Variants in APC observed in about 807,000 individuals in gnomAD.
APC encodes APC regulator of Wnt signaling pathway.
In APC, 72 loss-of-function variants were observed where a neutral mutation model predicts 247.0. That is an observed-to-expected ratio of 0.29 (90% CI 0.24 to 0.35). The LOEUF (loss-of-function observed/expected upper bound fraction) is 0.35, where lower values mean the gene tolerates loss of function less well. Among genes scored for constraint, APC ranks in the 10% least tolerant of loss-of-function variants. APC has a pLI of 1.00. For synonymous variants in APC, 1,254 were observed against 1,162.5 expected, an observed-to-expected ratio of 1.08 and a Z score of -1.60; for missense variants, 3,400 against 3,360.7, an observed-to-expected ratio of 1.01 and a Z score of -0.29.
At position 112,839,706 on chromosome 5, in the gene APC, G is replaced by A. The variant is rs2149906776; in HGVS notation, c.4112G>A (p.Ser1371Asn). The A allele has an allele frequency of 1.9e-6, 3 of 1,614,098 alleles. No individual in the cohort carries two copies. The highest frequency in any genetic ancestry group is 2.5e-6 in the Non-Finnish European group (3 of 1,180,000). Residue 1371 changes from serine (S) to asparagine (N), a missense_variant, in exon 16 of 16, where the codon AGT (serine) becomes AAT (asparagine). Physicochemically the swap from Ser to Asn is conservative, Grantham distance 46. This residue lies in a region of APC where 715 missense variants were observed against 656.6 expected (regional missense o/e 1.09). Coordinates refer to ENST00000257430, the MANE Select transcript of APC (RefSeq NM_000038.6). This position sits in a 1 kb window ranked among gnomAD's most constrained non-coding sequence, Gnocchi z 5.0. ...AAAAGTGGTGCTCAGACACCCAAAAGTCCACCTGAACACTATGTTCAGGAG... is the reference window on the plus strand; with the variant it reads ...AAAAGTGGTGCTCAGACACCCAAAAATCCACCTGAACACTATGTTCAGGAG... ...PSKSGAQTPK[S>N]PPEHYVQETP...
intron 1 of APC, among the ~76,000 whole-genome samples, chr5:112,728,567 A>G (rs1751927363): frequency 6.6e-6 from 1 of 152,240 alleles, no homozygotes; most frequent in Admixed American, 6.5e-5. Context: ...GAATTTAGAA[A>G]AATAAAGTTC....
upstream of APC, among the ~76,000 whole-genome samples, chr5:112,734,794 T>TTTTTTGTGTGTGTG (rs1554063508): frequency 5.6e-5 from 3 of 53,252 alleles, no homozygotes; most frequent in Admixed American, 3.4e-4. Context: ...TGTGTGTGTG[T>TTTTTTGTGTGTGTG]TTTTTTTTTT....
chr5:112,840,410 G>T lies in APC; in HGVS notation c.4816G>T (p.Ala1606Ser), dbSNP rs1580652981. ...TGCTTCAAAATTACCTCCACCTGTG[G>T]CAAGGAAACCAAGTCAGCTGCCTGT... ...QTASKLPPPV[A>S]RKPSQLPVYK... Residue 1606 changes from alanine (A) to serine (S), a missense_variant, in exon 16 of 16, where the codon GCA becomes TCA. Around this residue, in one of 9 missense-constraint regions of APC, gnomAD observed 1,788 missense variants for 1,649.5 expected, o/e 1.08. Coordinates refer to ENST00000257430, the MANE Select transcript of APC (RefSeq NM_000038.6). The surrounding 1 kb of genome is among the most constrained non-coding windows in gnomAD (Gnocchi z 4.1). 1 of 1,614,178 alleles carries T rather than the reference G, an allele frequency of 6.2e-7. No homozygotes were observed. The highest frequency in any genetic ancestry group is 8.5e-7 in the Non-Finnish European group (1 of 1,180,024).
intron 1 of APC, among the ~76,000 whole-genome samples, chr5:112,715,846 A>G (rs1489987096): frequency 6.6e-6 from 1 of 152,126 alleles, no homozygotes; most frequent in Non-Finnish European, 1.5e-5. Flanking sequence ...CAAGTATTCT[A>G]TCTTGTGATT....
chr5:112,777,716 C>T (rs1561481106), intron 5 of APC: 3 of 231,012 alleles, frequency 1.3e-5, no homozygotes, highest in Non-Finnish European at 2.9e-5. Flanking sequence ...GAGGACCCTT[C>T]ATATTTGCCT....
intron 6 of APC, among the ~76,000 whole-genome samples, chr5:112,787,478 C>T (rs77760414): frequency 2.0e-5 from 3 of 152,234 alleles, no homozygotes; most frequent in African/African-American, 7.2e-5. Flanking sequence ...ACTTGTGAGT[C>T]AGAATTTATC....
At chr5:112,750,190 T>C (rs1754175579) in intron 1 of APC, among the ~76,000 whole-genome samples, 1 of 152,012 alleles carries the variant, frequency 6.6e-6, no homozygotes, top group Admixed American at 6.5e-5. Context: ...CTTGAACTCC[T>C]GACCTCAAGT....
At chr5:112,728,160 C>G (rs199633460) in intron 1 of APC, among the ~76,000 whole-genome samples, 1 of 151,898 alleles carries the variant, frequency 6.6e-6, no homozygotes, top group East Asian at 1.9e-4. Context: ...CAGAGTCTCT[C>G]TCTGTTGCTC....
intron 8 of APC, among the ~76,000 whole-genome samples, chr5:112,805,239 G>A (rs1761253896): frequency 6.6e-6 from 1 of 152,058 alleles, no homozygotes; most frequent in Non-Finnish European, 1.5e-5. Context: ...TTCATTTTGG[G>A]AAAATAGAAG....
intron 8 of APC, among the ~76,000 whole-genome samples, chr5:112,813,204 G>A (rs1034751860): frequency 1.3e-5 from 2 of 152,150 alleles, no homozygotes; most frequent in African/African-American, 2.4e-5. Context: ...GTGATAAAAT[G>A]TACCCATTTT....
chr5:112,804,689 T>C (rs2149723091), intron 8 of APC, among the ~76,000 whole-genome samples: 1 of 152,288 alleles, frequency 6.6e-6, no homozygotes, highest in South Asian at 2.1e-4. Context: ...ATTACAACTT[T>C]TTTAATTTAA....
At chr5:112,823,729 A>G (rs139490889) in intron 11 of APC, among the ~76,000 whole-genome samples, 1 of 152,324 alleles carries the variant, frequency 6.6e-6, no homozygotes, top group African/African-American at 2.4e-5. Flanking sequence ...AAACTGTGCT[A>G]GGCACTAGAT....
In APC at chr5:112,843,997, G is replaced by C. The variant is rs759870702; in HGVS notation, c.8403G>C (p.Arg2801=). 1 of 1,600,588 alleles carries C rather than the reference G, an allele frequency of 6.2e-7. No individual in the cohort carries two copies. The highest frequency in any genetic ancestry group is 1.1e-5 in the South Asian group (1 of 88,496). Reference sequence around the variant, plus strand: ...GCAGCGCAGATAGCACTTCAGCTCGGCCATCTCAGATCCCAACTCCAGTGA... The same window carrying C: ...GCAGCGCAGATAGCACTTCAGCTCGCCCATCTCAGATCCCAACTCCAGTGA... ...RKSSADSTSA[R]PSQIPTPVNN... The change falls in exon 16 of 16, where the codon CGG becomes CGC. Residue 2801 remains arginine, a synonymous_variant. Coordinates refer to ENST00000257430, the MANE Select transcript of APC (RefSeq NM_000038.6). This position sits in a 1 kb window ranked among gnomAD's most constrained non-coding sequence, Gnocchi z 4.8.
rs1766445332 is a variant in APC, at chr5:112,842,906, G to A, written c.7312G>A (p.Val2438Ile). ...TGATAGATCAGAAAGACCTGTATTA[G>A]TACGCCAGTCAACTTTCATCAAAGA... ...ESDRSERPVL[V>I]RQSTFIKEAP... The change falls in exon 16 of 16, where the codon GTA becomes ATA. Residue 2438 changes from valine (V) to isoleucine (I), a missense_variant. By Grantham distance (29) the Val-to-Ile change is conservative. This residue lies in a region of APC where 1,788 missense variants were observed against 1,649.5 expected (regional missense o/e 1.08). Transcript: ENST00000257430. The A allele has an allele frequency of 3.1e-6, 5 of 1,614,048 alleles. No homozygotes were observed. Among genetic ancestry groups the A allele is most frequent in the East Asian group, 2.2e-5 (1 of 44,876 alleles).
chr5:112,822,785 G>A (rs1394383030), intron 11 of APC, among the ~76,000 whole-genome samples: 1 of 152,108 alleles, frequency 6.6e-6, no homozygotes, highest in African/African-American at 2.4e-5. Context: ...TGCCGTTTAT[G>A]TTACATTATG....
In APC at chr5:112,821,923, G is replaced by T; in HGVS notation, c.1340G>T (p.Cys447Phe). 1 of 1,613,354 alleles carries T rather than the reference G, an allele frequency of 6.2e-7. No individual in the cohort carries two copies. The highest frequency in any genetic ancestry group is 8.5e-7 in the Non-Finnish European group (1 of 1,179,640). The change falls in exon 11 of 16, where the codon TGT becomes TTT. Residue 447 changes from cysteine (C) to phenylalanine (F), a missense_variant. Cys to Phe is a radical substitution (Grantham distance 205, BLOSUM62 -2). This residue lies in a region of APC where 199 missense variants were observed against 212.5 expected (regional missense o/e 0.94). Coordinates refer to ENST00000257430, the MANE Select transcript of APC (RefSeq NM_000038.6). ...CCAGCTCCTGTTGAACATCAGATCT[G>T]TCCTGCTGTGTGTGTTCTAATGAAA... ...PMPAPVEHQICPAVCVLMKLS... is the reference protein window; with the variant it reads ...PMPAPVEHQIFPAVCVLMKLS...
chr5:112,738,213 G>GT, intron 1 of APC: 3 of 942,396 alleles, frequency 3.2e-6, no homozygotes, highest in Non-Finnish European at 3.8e-6. Flanking sequence ...AGGGGTTTTT[G>GT]TTTTTATAAT....
intron 9 of APC, 108 bp from the exon 10 acceptor site, chr5:112,818,840 TTTTTGGCGGGGGGGGTTG>T: frequency 1.1e-6 from 1 of 889,508 alleles, no homozygotes; most frequent in South Asian, 1.5e-5. Context: ...TTTTGTTTTT[TTTTTGGCGGGGGGGGTTG>T]TTTTGTTTTT....
In APC at chr5:112,845,469, A is replaced by C. The variant is rs1766904910; in HGVS notation, c.*1343A>C. The C allele has an allele frequency of 4.3e-6, 1 of 233,206 alleles. No individual in the cohort carries two copies. Among genetic ancestry groups the C allele is most frequent in the Non-Finnish European group, 8.5e-6 (1 of 117,814 alleles). 14.4% of individuals were successfully genotyped at this position (233,206 alleles called of 1,614,324 possible). ...TCTTCTTGTTGCAACTGGGTCTGAC[A>C]TGAACACTTTTTATCACCCTGTATG... is the stretch of plus-strand genomic sequence containing the variant. On this transcript the variant is annotated 3_prime_UTR_variant, in exon 16 of 16. Coordinates refer to ENST00000257430, the MANE Select transcript of APC (RefSeq NM_000038.6).
Sources: allele counts gnomAD v4.1 joint callset (sites outside exome capture counted in the v4.1 genomes callset), GRCh38; gene constraint gnomAD v4.1.1; regional missense constraint gnomAD v4.1.1; non-coding constraint Gnocchi (gnomAD v3.1); transcripts MANE v1.5; gene names NCBI Gene and HGNC (gene_info 2026-07-23, HGNC 2026-07-21).